The following PDE4D variants were observed in gnomAD, a reference collection of about 807,000 sequenced individuals.
PDE4D encodes phosphodiesterase 4D.
A neutral mutation model predicts 87.4 loss-of-function variants in PDE4D; 24 were observed. The observed-to-expected ratio is 0.27, with a 90% CI of 0.20 to 0.39. The LOEUF (loss-of-function observed/expected upper bound fraction) is 0.39, where lower values mean the gene tolerates loss of function less well. Ranked by LOEUF, PDE4D falls within the 10% of genes least tolerant of loss-of-function variation. The probability of loss-of-function intolerance (pLI) is 1.00; values close to 1 mark genes in which losing one functional copy is unlikely to be tolerated. For missense variants in PDE4D, 714 were observed against 1,041.0 expected (o/e 0.69, Z 4.32); for synonymous variants, 384 against 383.2 (o/e 1.00, Z -0.02).
intron 5 of PDE4D, among the ~76,000 whole-genome samples, chr5:59,111,813 C>A (rs978950076): frequency 6.6e-6 from 1 of 152,152 alleles, no homozygotes; most frequent in East Asian, 1.9e-4. Flanking sequence ...ATCTGTGTAA[C>A]AGAACTGAGT....
intron 6 of PDE4D, among the ~76,000 whole-genome samples, chr5:59,011,391 A>C (rs944384820): frequency 6.6e-6 from 1 of 152,132 alleles, no homozygotes; most frequent in African/African-American, 2.4e-5. Flanking sequence ...GAAGCTAAAA[A>C]CCTTGAAAAA....
chr5:60,123,566 G>A (rs1778879300), intron 2 of PDE4D, among the ~76,000 whole-genome samples: 1 of 152,070 alleles, frequency 6.6e-6, no homozygotes, highest in African/African-American at 2.4e-5. Context: ...CTCCCACCGA[G>A]TCCCTCCCAC....
intron 2 of PDE4D, among the ~76,000 whole-genome samples, chr5:60,155,398 T>A (rs1382042370): frequency 6.6e-6 from 1 of 152,210 alleles, no homozygotes; most frequent in Non-Finnish European, 1.5e-5. Flanking sequence ...GGTGAAGGGC[T>A]TCTTGTTTAA....
chr5:59,859,795 G>C (rs1745987830), intron 1 of PDE4D, among the ~76,000 whole-genome samples: 1 of 152,172 alleles, frequency 6.6e-6, no homozygotes, highest in African/African-American at 2.4e-5. Flanking sequence ...GGTAATCAGG[G>C]AAGATGAGCT....
At chr5:60,500,133 C>T (rs1032049609) in intron 1 of PDE4D, among the ~76,000 whole-genome samples, 2 of 151,560 alleles carry the variant, frequency 1.3e-5, no homozygotes, top group East Asian at 1.9e-4. Context: ...TAGTGAGACA[C>T]CATCTCTAGA....
intron 1 of PDE4D, among the ~76,000 whole-genome samples, chr5:60,437,490 T>C (rs1031052716): frequency 1.3e-5 from 2 of 152,120 alleles, no homozygotes; most frequent in African/African-American, 4.8e-5. Context: ...GCTTGTGGTT[T>C]CATTGAAAGT....
intron 1 of PDE4D, among the ~76,000 whole-genome samples, chr5:59,303,825 A>G (rs1490599181): frequency 2.0e-5 from 3 of 152,118 alleles, no homozygotes; most frequent in Admixed American, 2.0e-4. Flanking sequence ...AGGTAGTGTG[A>G]TGCCTCCAGA....
chr5:60,348,557 C>T (rs978119136), intron 1 of PDE4D, among the ~76,000 whole-genome samples: 8 of 152,040 alleles, frequency 5.3e-5, no homozygotes, highest in African/African-American at 1.7e-4. Flanking sequence ...AACTATGACA[C>T]ACTTGGTAGA....
In PDE4D at chr5:59,128,418, C is replaced by G. The variant is rs112101568; in HGVS notation, c.808+52177G>C. 7.9e-5 allele frequency among the ~76,000 whole-genome samples: 12 copies of G among 152,298 alleles called. 1 individual carries two copies. The highest frequency in any genetic ancestry group is 2.9e-4 in the African/African-American group (12 of 41,576). On this transcript the variant is annotated intron_variant, in intron 5 of 14. Transcript: ENST00000340635. ...CATGACTTGTTAAGAGGTCTGCTCT[C>G]AAAAGCTGAATTCACAAGGGAGTTA...
chr5:60,460,576 A>G (rs1285599365), intron 1 of PDE4D: 3 of 1,318,240 alleles, frequency 2.3e-6, no homozygotes, highest in Non-Finnish European at 3.3e-6. Context: ...AAGTCTGTCT[A>G]TTTCATTTTG....
At chr5:60,064,731 A>G (rs962004645) in intron 2 of PDE4D, among the ~76,000 whole-genome samples, 2 of 152,138 alleles carry the variant, frequency 1.3e-5, no homozygotes, top group Non-Finnish European at 2.9e-5. Flanking sequence ...CTCCTCTTAG[A>G]TTAAATCAAT....
chr5:59,772,459 A>G (rs1763673982), intron 1 of PDE4D, among the ~76,000 whole-genome samples: 2 of 152,222 alleles, frequency 1.3e-5, no homozygotes, highest in South Asian at 2.1e-4. Flanking sequence ...GTTTTCCTAG[A>G]TACCTCTTTG....
chr5:59,257,909 TA>T (rs1761281133), intron 1 of PDE4D, among the ~76,000 whole-genome samples: 2 of 151,878 alleles, frequency 1.3e-5, no homozygotes, highest in South Asian at 4.2e-4. Context: ...GAAGACAGGC[TA>T]GCAACAGAAA....
At chr5:59,148,076 G>C (rs1778933342) in intron 5 of PDE4D, among the ~76,000 whole-genome samples, 1 of 151,898 alleles carries the variant, frequency 6.6e-6, no homozygotes. Context: ...GAAATGAATT[G>C]ATATTCAAGC....
intron 3 of PDE4D, among the ~76,000 whole-genome samples, chr5:59,979,417 A>G (rs1016526579): frequency 7.1e-4 from 50 of 70,426 alleles, no homozygotes; most frequent in African/African-American, 1.6e-3. Flanking sequence ...TTCACACAGC[A>G]AGGGGTGTGT....
intron 1 of PDE4D, among the ~76,000 whole-genome samples, chr5:59,353,230 T>C (rs1242396410): frequency 3.3e-5 from 5 of 152,168 alleles, no homozygotes; most frequent in African/African-American, 4.8e-5. Context: ...AACACTACTG[T>C]AGTTTTAAGC....
intron 1 of PDE4D, among the ~76,000 whole-genome samples, chr5:60,219,146 C>T (rs1744204571): frequency 6.6e-6 from 1 of 152,114 alleles, no homozygotes; most frequent in African/African-American, 2.4e-5. Flanking sequence ...CAAATATTAT[C>T]CAATCTCTTT....
At chr5:59,345,572 G>A (rs1779483750) in intron 1 of PDE4D, among the ~76,000 whole-genome samples, 1 of 152,078 alleles carries the variant, frequency 6.6e-6, no homozygotes, top group African/African-American at 2.4e-5. Flanking sequence ...GAGTGTGAAT[G>A]GCTCACTGTT....
chr5:60,285,561 G>A (rs1442882839), intron 1 of PDE4D, among the ~76,000 whole-genome samples: 1 of 151,712 alleles, frequency 6.6e-6, no homozygotes, highest in Non-Finnish European at 1.5e-5. Flanking sequence ...GAAAAACAAC[G>A]AATCTGTTTG....
Sources: allele counts gnomAD v4.1 joint callset (sites outside exome capture counted in the v4.1 genomes callset), GRCh38; gene constraint gnomAD v4.1.1; transcripts MANE v1.5; gene names NCBI Gene and HGNC (gene_info 2026-07-23, HGNC 2026-07-21).